ZSCAN5A: variants seen among roughly 807,000 people sequenced by gnomAD.
ZSCAN5A encodes the protein zinc finger and SCAN domain containing 5A, also known as zinc finger and SCAN domain-containing protein 5A.
A neutral mutation model predicts 23.7 loss-of-function variants in ZSCAN5A; 12 were observed. The ratio of observed to expected loss-of-function variants is 0.51; its 90% CI spans 0.32 to 0.82. ZSCAN5A has a LOEUF of 0.82. Among genes scored for constraint, ZSCAN5A ranks in the 40% least tolerant of loss-of-function variants. ZSCAN5A has a pLI of 0.03. For missense variants in ZSCAN5A, 597 were observed against 617.9 expected (o/e 0.97, Z 0.36); for synonymous variants, 257 against 239.9 (o/e 1.07, Z -0.66).
chr19:56,356,063 G>C (rs573684076), intron 2 of ZSCAN5A, among the ~76,000 whole-genome samples: 2 of 148,760 alleles, frequency 1.3e-5, no homozygotes, highest in African/African-American at 5.1e-5. Flanking sequence ...ATGAGACAGG[G>C]AGAAAAATGT....
chr19:56,354,515 T>C (rs766608628), intron 2 of ZSCAN5A: 2 of 152,124 alleles, frequency 1.3e-5, no homozygotes, highest in African/African-American at 4.8e-5. Flanking sequence ...GATGTAGTGG[T>C]GGGGTCAATG....
chr19:56,221,847 T>A lies in ZSCAN5A; in HGVS notation c.1219A>T (p.Thr407Ser), dbSNP rs762646155. The A allele has an allele frequency of 1.2e-6, 2 of 1,614,192 alleles. No individual in the cohort carries two copies. The highest frequency in any genetic ancestry group is 1.7e-6 in the Non-Finnish European group (2 of 1,180,028). The change falls in exon 6 of 6, where the codon ACT becomes TCT. Residue 407 changes from threonine (T) to serine (S), a missense_variant. Around this residue, in one of 5 missense-constraint regions of ZSCAN5A, gnomAD observed 406 missense variants for 353.2 expected, o/e 1.15. Coordinates refer to ENST00000683990, the MANE Select transcript of ZSCAN5A (RefSeq NM_001322064.3). ...ISLQFHQRTH[T>S]GERPYTCDVC... ...TCACACGTGTAGGGCCTCTCGCCAG[T>A]GTGGGTTCGCTGGTGAAATTGGAGG...
intron 2 of ZSCAN5A, among the ~76,000 whole-genome samples, chr19:56,290,115 T>C (rs2039415496): frequency 6.6e-6 from 1 of 152,246 alleles, no homozygotes; most frequent in Admixed American, 6.5e-5. Context: ...CAGATTTCTT[T>C]GTTCTACCTG....
chr19:56,272,847 G>A (rs2037953461), intron 2 of ZSCAN5A: 2 of 985,116 alleles, frequency 2.0e-6, no homozygotes, highest in Admixed American at 1.2e-4. Context: ...GCACAGATCA[G>A]AGCCATTTCT....
At chr19:56,290,188 C>T (rs2039419972) in intron 2 of ZSCAN5A, among the ~76,000 whole-genome samples, 1 of 152,206 alleles carries the variant, frequency 6.6e-6, no homozygotes, top group Non-Finnish European at 1.5e-5. Flanking sequence ...AAAGGTTTCT[C>T]AGGTGCTTCT....
intron 2 of ZSCAN5A, among the ~76,000 whole-genome samples, chr19:56,304,074 T>C (rs1004041404): frequency 2.6e-5 from 4 of 152,074 alleles, no homozygotes; most frequent in Admixed American, 6.6e-5. Context: ...CCTTCTGAGT[T>C]ATCAAAGGAT....
chr19:56,261,748 T>C (rs776342937), intron 2 of ZSCAN5A, among the ~76,000 whole-genome samples: 1 of 152,228 alleles, frequency 6.6e-6, no homozygotes, highest in Non-Finnish European at 1.5e-5. Context: ...ACTGATATTA[T>C]TGAAAATTTC....
At chr19:56,259,803 A>G (rs2036988202) in intron 2 of ZSCAN5A, among the ~76,000 whole-genome samples, 1 of 152,164 alleles carries the variant, frequency 6.6e-6, no homozygotes, top group Admixed American at 6.5e-5. Context: ...ACGAAACCCC[A>G]TCTCTACAAA....
Position 56,222,046 on chromosome 19 carries a change from G to T in ZSCAN5A, c.1020C>A (p.Ser340Arg). The T allele has an allele frequency of 6.2e-7, 1 of 1,614,186 alleles. No homozygotes were observed. The highest frequency in any genetic ancestry group is 8.5e-7 in the Non-Finnish European group (1 of 1,180,038). The change falls in exon 6 of 6, where the codon AGC (serine) becomes AGA (arginine). Residue 340 changes from serine to arginine, a missense_variant. By Grantham distance (110) the Ser-to-Arg change is moderately radical (BLOSUM62 -1). This residue lies in a region of ZSCAN5A where 406 missense variants were observed against 353.2 expected (regional missense o/e 1.15). Transcript: ENST00000683990. ...CTTGGCCATCCGGGTGACTGACTGG[G>T]CTCGCAGGGCCTGGGGAATGAATTG... ...MNSIHSPGPA[S>R]PVSHPDGQEA...
In ZSCAN5A at chr19:56,330,691, T is replaced by G. The variant is rs539847363; in HGVS notation, c.-357-14423A>C. On this transcript the variant is annotated intron_variant, in intron 2 of 6. Transcript: ENST00000587340. ...TTAAGGGGGTTACTTTATTTTTGCTTGTTTAGTTGTTTACTTTTTATGTTG... is the reference window on the plus strand; with the variant it reads ...TTAAGGGGGTTACTTTATTTTTGCTGGTTTAGTTGTTTACTTTTTATGTTG... Among the ~76,000 whole-genome samples, 3 of 152,294 alleles carry G rather than the reference T, an allele frequency of 2.0e-5. No homozygotes were observed. The South Asian group carries it at 6.2e-4, about 32-fold the overall frequency.
chr19:56,260,496 G>A lies in ZSCAN5A; in HGVS notation c.-127-35323C>T, dbSNP rs1013609032. Reference sequence around the variant, plus strand: ...CCCAAAGTGCTGGGATTCCAGGCATGAGCCACCGCGCCTGGGCTTTTTTTT... The same window carrying A: ...CCCAAAGTGCTGGGATTCCAGGCATAAGCCACCGCGCCTGGGCTTTTTTTT... On this transcript the variant is annotated intron_variant, in intron 2 of 5. Coordinates refer to ENST00000683990, the MANE Select transcript of ZSCAN5A (RefSeq NM_001322064.3). 3.9e-5 allele frequency among the ~76,000 whole-genome samples: 6 copies of A among 152,246 alleles called. No homozygotes were observed. The East Asian group carries it at 7.7e-4, about 20-fold the overall frequency.
intron 2 of ZSCAN5A, among the ~76,000 whole-genome samples, chr19:56,330,325 T>A (rs531802764): frequency 6.6e-6 from 1 of 152,218 alleles, no homozygotes; most frequent in Non-Finnish European, 1.5e-5. Flanking sequence ...GGTACAAAAA[T>A]TTATTTTCTT....
At chr19:56,266,133 C>A (rs2037453235) in intron 2 of ZSCAN5A, 1 of 152,180 alleles carries the variant, frequency 6.6e-6, no homozygotes, top group African/African-American at 2.4e-5. Context: ...TACTACCCAG[C>A]TCTTAAAATT....
At chr19:56,286,727 T>A (rs764900406) in intron 2 of ZSCAN5A, 7 of 152,328 alleles carry the variant, frequency 4.6e-5, no homozygotes, top group African/African-American at 1.7e-4. Context: ...TGAAAGAGAA[T>A]TGGAGAGAGA....
intron 3 of ZSCAN5A, 123 bp from the exon 4 acceptor site, chr19:56,223,957 TAG>T (rs764643319): frequency 1.7e-5 from 16 of 915,270 alleles, no homozygotes; most frequent in African/African-American, 3.4e-5. Context: ...GCCTTCCCAA[TAG>T]AGAGTCAGCT....
chr19:56,302,044 C>A (rs114638449), intron 2 of ZSCAN5A: 31 of 1,231,898 alleles, frequency 2.5e-5, no homozygotes, highest in Non-Finnish European at 3.0e-5. Context: ...TCCTGAAATG[C>A]GCCTACATGG....
chr19:56,344,828 G>A (rs1287563610), intron 2 of ZSCAN5A, among the ~76,000 whole-genome samples: 15 of 139,012 alleles, frequency 1.1e-4, no homozygotes, highest in South Asian at 2.4e-4. Flanking sequence ...GCGTGAACCC[G>A]GGAAGCGGAG....
At chr19:56,234,623 T>C (rs1176954979) in intron 2 of ZSCAN5A, among the ~76,000 whole-genome samples, 1 of 152,206 alleles carries the variant, frequency 6.6e-6, no homozygotes, top group African/African-American at 2.4e-5. Flanking sequence ...AAAACCGATG[T>C]TATTCATAGA....
At chr19:56,310,458 A>G (rs548710291) in intron 2 of ZSCAN5A, 9 of 152,258 alleles carry the variant, frequency 5.9e-5, no homozygotes, top group Non-Finnish European at 1.2e-4. Context: ...AAATGGCTGA[A>G]AAGGCTGGGT....
Sources: allele counts gnomAD v4.1 joint callset (sites outside exome capture counted in the v4.1 genomes callset), GRCh38; gene constraint gnomAD v4.1.1; regional missense constraint gnomAD v4.1.1; transcripts MANE v1.5; gene names NCBI Gene and HGNC (gene_info 2026-07-23, HGNC 2026-07-21).